The following STK32B variants were observed in gnomAD, a reference collection of about 807,000 sequenced individuals.
The protein encoded by STK32B is serine/threonine-protein kinase 32B.
STK32B carries 43 observed loss-of-function variants against 52.6 expected under a neutral mutation model. The observed-to-expected ratio is 0.82, with a 90% CI of 0.64 to 1.05. The LOEUF (loss-of-function observed/expected upper bound fraction) is 1.05, where lower values mean the gene tolerates loss of function less well. Ranked by LOEUF, STK32B falls within the 50% of genes least tolerant of loss-of-function variation. The probability of loss-of-function intolerance (pLI) is 0.00; values close to 1 mark genes in which losing one functional copy is unlikely to be tolerated. For missense variants in STK32B, 621 were observed against 534.6 expected (o/e 1.16, Z -1.59); for synonymous variants, 238 against 204.3 (o/e 1.17, Z -1.41).
chr4:5,077,326 T>G (rs531342252), intron 1 of STK32B, among the ~76,000 whole-genome samples: 2 of 152,036 alleles, frequency 1.3e-5, no homozygotes, highest in Non-Finnish European at 2.9e-5. Context: ...AGGCATTTCC[T>G]TTTACAGTCC....
At chr4:5,441,475 A>G (rs202061825) in intron 6 of STK32B, among the ~76,000 whole-genome samples, 8,814 of 143,104 alleles carry the variant, frequency 0.062, 385 homozygotes, top group East Asian at 0.26. Context: ...TTTTTATTGC[A>G]TCTATTTGAT....
chr4:5,488,923 T>G (rs1217648639), intron 11 of STK32B, among the ~76,000 whole-genome samples: 1 of 152,028 alleles, frequency 6.6e-6, no homozygotes, highest in African/African-American at 2.4e-5. Flanking sequence ...GTCTGTCTTA[T>G]AATTCTTATT....
At chr4:5,247,912 A>G (rs1725581620) in intron 3 of STK32B, among the ~76,000 whole-genome samples, 4 of 152,092 alleles carry the variant, frequency 2.6e-5, no homozygotes, top group South Asian at 2.1e-4. Context: ...GCATAGACCC[A>G]GGGCCTTGGC....
chr4:5,123,793 A>C (rs867425084), intron 1 of STK32B, among the ~76,000 whole-genome samples: 3 of 151,950 alleles, frequency 2.0e-5, no homozygotes, highest in African/African-American at 4.8e-5. Context: ...GGGGGTTAGG[A>C]TTCAGCACAT....
At chr4:5,065,602 G>A (rs763149067) in intron 1 of STK32B, among the ~76,000 whole-genome samples, 5 of 152,154 alleles carry the variant, frequency 3.3e-5, no homozygotes, top group Non-Finnish European at 7.3e-5. Flanking sequence ...GCAATGCCTA[G>A]CACGAGGCCA....
rs1736289734 is a variant in STK32B at position 5,386,901 on chromosome 4, A to G, written c.435-11306A>G. Among the ~76,000 whole-genome samples, 1 of 152,216 alleles carries G rather than the reference A, an allele frequency of 6.6e-6. No individual in the cohort carries two copies. The highest frequency in any genetic ancestry group is 1.5e-5 in the Non-Finnish European group (1 of 68,034). On this transcript the variant is annotated intron_variant, in intron 4 of 11. Coordinates refer to ENST00000282908, the MANE Select transcript of STK32B (RefSeq NM_018401.3). This position sits in a 1 kb window ranked among gnomAD's most constrained non-coding sequence, Gnocchi z 4.5. ...TTGTCCTCAGAAAGCTGGATGAGGA[A>G]CATGAGGCCGTGGCCTGAGCGTCTT...
intron 4 of STK32B, among the ~76,000 whole-genome samples, chr4:5,343,309 A>G (rs1733222899): frequency 6.6e-6 from 1 of 152,060 alleles, no homozygotes; most frequent in Admixed American, 6.6e-5. Context: ...ATAGTATTCC[A>G]TGGTGTATAT....
At chr4:5,242,960 A>G (rs1377262262) in intron 3 of STK32B, among the ~76,000 whole-genome samples, 1 of 152,118 alleles carries the variant, frequency 6.6e-6, no homozygotes, top group Non-Finnish European at 1.5e-5. Flanking sequence ...TACCAGTTGC[A>G]TTCTGTCTTG....
intron 11 of STK32B, among the ~76,000 whole-genome samples, chr4:5,487,430 C>G (rs975787592): frequency 2.6e-5 from 4 of 152,148 alleles, no homozygotes; most frequent in Non-Finnish European, 5.9e-5. Context: ...AAATGATTAA[C>G]AACAACACAA....
chr4:5,073,925 T>C (rs1042559290), intron 1 of STK32B, among the ~76,000 whole-genome samples: 1 of 152,094 alleles, frequency 6.6e-6, no homozygotes, highest in Non-Finnish European at 1.5e-5. Flanking sequence ...CCCTATGATA[T>C]ATCAAGATGT....
intron 4 of STK32B, among the ~76,000 whole-genome samples, chr4:5,366,068 A>G (rs1167608273): frequency 6.6e-6 from 1 of 152,160 alleles, no homozygotes; most frequent in African/African-American, 2.4e-5. Flanking sequence ...ACCTACTTAC[A>G]AAAGAAACTA....
At position 5,374,831 on chromosome 4, in the gene STK32B, C is replaced by G. The variant is rs145567146; in HGVS notation, c.435-23376C>G. ...ACAGCAGTGAGCATAAAAATAAATA[C>G]AGTGAGACCAGAAAAATGCTGTTAA... On this transcript the variant is annotated intron_variant, in intron 4 of 11. Coordinates refer to ENST00000282908, the MANE Select transcript of STK32B (RefSeq NM_018401.3). Among the ~76,000 whole-genome samples, 485 of 151,396 alleles carry G rather than the reference C, an allele frequency of 3.2e-3. 1 individual carries two copies. The highest frequency in any genetic ancestry group is 5.3e-3 in the Non-Finnish European group (357 of 67,978).
rs377542559 is a variant in STK32B, at chr4:5,416,622, C to T, written c.473-223C>T. On this transcript the variant is annotated intron_variant, in intron 5 of 11. Coordinates refer to ENST00000282908, the MANE Select transcript of STK32B (RefSeq NM_018401.3). ...TAATTCATAAAAAATGTATCCTGCC[C>T]CTCAATATATTTATGTAAAAATAAT... Among the ~76,000 whole-genome samples the T allele has an allele frequency of 5.9e-5, 9 of 152,260 alleles. No homozygotes were observed. The East Asian group carries it at 9.6e-4, about 16-fold the overall frequency.
chr4:5,195,986 T>G (rs898228976), intron 3 of STK32B, among the ~76,000 whole-genome samples: 3 of 152,228 alleles, frequency 2.0e-5, no homozygotes, highest in Non-Finnish European at 4.4e-5. Context: ...ATCATTAAAT[T>G]CTAACCTTAC....
intron 6 of STK32B, among the ~76,000 whole-genome samples, chr4:5,421,050 C>T (rs1283889169): frequency 2.0e-5 from 3 of 151,732 alleles, no homozygotes; most frequent in African/African-American, 4.8e-5. Context: ...CAGGCACATG[C>T]CACCATGCCT....
At chr4:5,154,426 G>C (rs1324371573) in intron 2 of STK32B, among the ~76,000 whole-genome samples, 1 of 152,048 alleles carries the variant, frequency 6.6e-6, no homozygotes, top group African/African-American at 2.4e-5. Context: ...TGTTGGTCAG[G>C]CTGGTCTTGA....
chr4:5,183,661 A>G lies in STK32B; in HGVS notation c.260+15211A>G, dbSNP rs1720523859. 2.6e-5 allele frequency among the ~76,000 whole-genome samples: 4 copies of G among 152,252 alleles called. No homozygotes were observed. In the South Asian group the frequency reaches 8.3e-4, roughly 32 times the overall value. ...TAAGTTCGCCTCCTTATTTAAGTGT[A>G]AGGCTGTTTTGTTTAATTGAAAAAT... is the stretch of plus-strand genomic sequence containing the variant. On this transcript the variant is annotated intron_variant, in intron 3 of 11. Coordinates refer to ENST00000282908, the MANE Select transcript of STK32B (RefSeq NM_018401.3).
At chr4:5,447,673 G>A (rs531317062) in intron 7 of STK32B, among the ~76,000 whole-genome samples, 5 of 152,284 alleles carry the variant, frequency 3.3e-5, no homozygotes, top group African/African-American at 1.2e-4. Flanking sequence ...TCATTTTGAG[G>A]TGTTATTTCT....
chr4:5,413,278 C>T (rs1419391647), intron 5 of STK32B, among the ~76,000 whole-genome samples: 3 of 152,282 alleles, frequency 2.0e-5, no homozygotes, highest in Admixed American at 1.3e-4. Context: ...GGGATACTAG[C>T]AGTAGCAAGG....
Sources: allele counts gnomAD v4.1 joint callset (sites outside exome capture counted in the v4.1 genomes callset), GRCh38; gene constraint gnomAD v4.1.1; non-coding constraint Gnocchi (gnomAD v3.1); transcripts MANE v1.5; gene names NCBI Gene and HGNC (gene_info 2026-07-23, HGNC 2026-07-21).